CREBBP: variants seen among roughly 807,000 people sequenced by gnomAD.
CREBBP encodes the protein CREB binding lysine acetyltransferase.
In CREBBP, 19 loss-of-function variants were observed where a neutral mutation model predicts 265.0. The observed-to-expected ratio is 0.07, with a 90% CI of 0.05 to 0.11. The LOEUF (loss-of-function observed/expected upper bound fraction) is 0.11, where lower values mean the gene tolerates loss of function less well. Among genes scored for constraint, CREBBP ranks in the 10% least tolerant of loss-of-function variants. The pLI, the probability that CREBBP is intolerant of heterozygous loss-of-function variation, is 1.00. For synonymous variants in CREBBP, 1,457 were observed against 1,223.7 expected, an observed-to-expected ratio of 1.19 and a Z score of -3.98; for missense variants, 2,525 against 3,219.0, an observed-to-expected ratio of 0.78 and a Z score of 5.22.
intron 3 of CREBBP, among the ~76,000 whole-genome samples, chr16:3,796,465 C>A (rs913513206): frequency 1.3e-4 from 19 of 151,726 alleles, no homozygotes; most frequent in African/African-American, 4.4e-4. Context: ...CAGCTTACTG[C>A]AACCTCTGCC....
chr16:3,757,869 C>T lies in CREBBP; in HGVS notation c.3549G>A (p.Glu1183=). 6.2e-7 allele frequency: 1 copy of T among 1,614,090 alleles called. No homozygotes were observed. The part of the protein sequence containing the change: ...RVYKFCSKLA[E]VFEQEIDPVM... ...CAGGGTCAATTTCCTGCTCAAAGAC[C>T]TCTGCAAGCTTACTGCAAAACTTAT... The change falls in exon 18 of 31, where the codon GAG becomes GAA. Residue 1183 remains glutamate, a synonymous_variant. Coordinates refer to ENST00000262367, the MANE Select transcript of CREBBP (RefSeq NM_004380.3).
chr16:3,814,731 A>G (rs1216855995), intron 2 of CREBBP, among the ~76,000 whole-genome samples: 2 of 152,220 alleles, frequency 1.3e-5, no homozygotes, highest in Non-Finnish European at 2.9e-5. Flanking sequence ...GTCAAAGATC[A>G]TGAACGGTAT....
rs756247283 is a variant in CREBBP at position 3,757,790 on chromosome 16, G to A, written c.3609+19C>T. 1 of 1,613,544 alleles carries A rather than the reference G, an allele frequency of 6.2e-7. No individual in the cohort carries two copies. The highest frequency in any genetic ancestry group is 1.1e-5 in the South Asian group (1 of 91,066). ...ATTAACCAGGAAAATTCACTTTCCG[G>A]AAAAACTTAAAACTGTACCTTGCGT... is the stretch of plus-strand genomic sequence containing the variant. On this transcript the variant is annotated intron_variant, in intron 18 of 30. Transcript: ENST00000262367.
At chr16:3,762,627 A>G (rs373292513) in intron 16 of CREBBP, among the ~76,000 whole-genome samples, 18 of 152,216 alleles carry the variant, frequency 1.2e-4, no homozygotes, top group East Asian at 7.7e-4. Flanking sequence ...GGGCTGTTGC[A>G]GCGCACCAGC....
intron 3 of CREBBP, among the ~76,000 whole-genome samples, chr16:3,806,182 G>A (rs2053826724): frequency 6.6e-6 from 1 of 152,122 alleles, no homozygotes; most frequent in African/African-American, 2.4e-5. Flanking sequence ...GGTGCTACCA[G>A]TGTCACTGCC....
chr16:3,750,977 C>G (rs2052458955), intron 20 of CREBBP, among the ~76,000 whole-genome samples: 1 of 152,096 alleles, frequency 6.6e-6, no homozygotes, highest in Admixed American at 6.6e-5. Flanking sequence ...GGCCCCAGCA[C>G]TTTGGAAGGC....
intron 1 of CREBBP, among the ~76,000 whole-genome samples, chr16:3,865,640 T>G (rs997228853): frequency 6.6e-6 from 1 of 151,438 alleles, no homozygotes; most frequent in Non-Finnish European, 1.5e-5. Flanking sequence ...TTAAAGGAAC[T>G]AATTTTTTTT....
rs1596792633 is a variant in CREBBP at position 3,731,550 on chromosome 16, A to G, written c.4891-77T>C. ...TGGTGAGCTCAGGGCAGGCGCAGCC[A>G]CCCAGCCTGCAGAATAGGCAGGTGG... On this transcript the variant is annotated intron_variant, in intron 29 of 30. Coordinates refer to ENST00000262367, the MANE Select transcript of CREBBP (RefSeq NM_004380.3). This position sits in a 1 kb window ranked among gnomAD's most constrained non-coding sequence, Gnocchi z 7.7. 6.6e-7 allele frequency: 1 copy of G among 1,524,670 alleles called. No homozygotes were observed. The allele number at this position is 1,524,670 out of a possible 1,614,324, so 94.4% of individuals were successfully genotyped here.
At chr16:3,741,865 G>C (rs561049845) in intron 23 of CREBBP, 2 of 152,330 alleles carry the variant, frequency 1.3e-5, no homozygotes, top group African/African-American at 4.8e-5. Flanking sequence ...CACGAGGTCA[G>C]GCGATCGGGA....
chr16:3,835,500 G>GTTATT (rs1401481711), intron 2 of CREBBP, among the ~76,000 whole-genome samples: 4 of 149,858 alleles, frequency 2.7e-5, no homozygotes, highest in Non-Finnish European at 4.4e-5. Flanking sequence ...TTCGTTGCTA[G>GTTATT]TTATTTATCT....
At chr16:3,876,295 C>G (rs891531030) in intron 1 of CREBBP, among the ~76,000 whole-genome samples, 1 of 150,970 alleles carries the variant, frequency 6.6e-6, no homozygotes, top group Non-Finnish European at 1.5e-5. Flanking sequence ...CTGTCTCAGT[C>G]TCCCTAAGCA....
intron 5 of CREBBP, among the ~76,000 whole-genome samples, chr16:3,790,602 G>A (rs543511877): frequency 7.9e-4 from 120 of 152,044 alleles, no homozygotes; most frequent in Non-Finnish European, 2.1e-4. Context: ...TGCCCGCCTC[G>A]GCCTCCCAAA....
In CREBBP at chr16:3,739,860, A is replaced by C. The variant is rs546198763; in HGVS notation, c.4134-136T>G. ...GCCACCTCCTCAGACCGTGGCCTGG[A>C]GTCCTCCCTATGGGCCAGTCAGCCC... On this transcript the variant is annotated intron_variant, in intron 24 of 30. Coordinates refer to ENST00000262367, the MANE Select transcript of CREBBP (RefSeq NM_004380.3). The C allele has an allele frequency of 6.1e-4, 751 of 1,236,370 alleles. 2 individuals carry two copies. Among genetic ancestry groups the C allele is most frequent in the South Asian group, 1.5e-3 (116 of 79,986 alleles). 76.6% of individuals were successfully genotyped at this position (1,236,370 alleles called of 1,614,324 possible).
At chr16:3,770,257 C>T (rs2052967570) in intron 14 of CREBBP, among the ~76,000 whole-genome samples, 1 of 152,146 alleles carries the variant, frequency 6.6e-6, no homozygotes, top group African/African-American at 2.4e-5. Flanking sequence ...TCTTGGCTCA[C>T]TGTAACCTGT....
At chr16:3,796,075 T>C (rs1029719858) in intron 3 of CREBBP, among the ~76,000 whole-genome samples, 7 of 152,138 alleles carry the variant, frequency 4.6e-5, no homozygotes, top group African/African-American at 1.2e-4. Flanking sequence ...TGACACTACC[T>C]TGTTGAAGAG....
At chr16:3,808,069 A>T (rs2053864866) in intron 3 of CREBBP, among the ~76,000 whole-genome samples, 1 of 151,118 alleles carries the variant, frequency 6.6e-6, no homozygotes, top group South Asian at 2.1e-4. Context: ...TTACCCTGAG[A>T]AGATCAGAGA....
intron 1 of CREBBP, among the ~76,000 whole-genome samples, chr16:3,856,676 T>C (rs1431427636): frequency 6.6e-6 from 1 of 152,178 alleles, no homozygotes. Flanking sequence ...AAATGAAACT[T>C]CATCTAAACC....
At chr16:3,757,746 A>G (rs1299158904) in intron 18 of CREBBP, 63 bp downstream of exon 18, 7 of 1,605,176 alleles carry the variant, frequency 4.4e-6, no homozygotes, top group East Asian at 2.2e-5. Flanking sequence ...TCATATTAGT[A>G]TAACACCCCT....
chr16:3,734,549 C>T (rs943197518), intron 28 of CREBBP, among the ~76,000 whole-genome samples: 20 of 152,290 alleles, frequency 1.3e-4, no homozygotes, highest in African/African-American at 4.6e-4. Context: ...GGTAACCTCC[C>T]GTGTCACCCT....
Sources: gnomAD v4.1 joint callset for allele counts (sites outside exome capture counted in the v4.1 genomes callset) on GRCh38, gnomAD v4.1.1 for gene constraint, Gnocchi (gnomAD v3.1) non-coding constraint, MANE v1.5 for transcripts, NCBI Gene and HGNC (gene_info 2026-07-23, HGNC 2026-07-21) for gene names.